Variants in BNIP3L observed in about 807,000 individuals in gnomAD.
BNIP3L encodes the protein BCL2/adenovirus E1B 19 kDa protein-interacting protein 3-like.
A neutral mutation model predicts 25.5 loss-of-function variants in BNIP3L; 10 were observed. That is an observed-to-expected ratio of 0.39 (90% CI 0.24 to 0.67). The LOEUF (loss-of-function observed/expected upper bound fraction) is 0.67, where lower values mean the gene tolerates loss of function less well. Ranked by LOEUF, BNIP3L falls within the 30% of genes least tolerant of loss-of-function variation. BNIP3L has a pLI of 0.45. For synonymous variants in BNIP3L, 113 were observed against 101.2 expected, an observed-to-expected ratio of 1.12 and a Z score of -0.70; for missense variants, 215 against 270.9, an observed-to-expected ratio of 0.79 and a Z score of 1.45.
chr8:26,404,472 CAAAG>C (rs1806455857), intron 3 of BNIP3L, among the ~76,000 whole-genome samples: 1 of 152,162 alleles, frequency 6.6e-6, no homozygotes, highest in African/African-American at 2.4e-5. Context: ...GATCAGAAAA[CAAAG>C]AACTCCATGT....
chr8:26,383,217 G>A lies in BNIP3L; in HGVS notation c.87G>A (p.Pro29=). Reference sequence around the variant, plus strand: ...AAAATGAGCAGTCTCTGCCCCCGCCGGCCGGCCTCAACAGTGAGTGCGGGG... The same window carrying A: ...AAAATGAGCAGTCTCTGCCCCCGCCAGCCGGCCTCAACAGTGAGTGCGGGG... The part of the protein sequence containing the change: ...CEENEQSLPP[P]AGLNSSWVEL... Residue 29 remains proline, a synonymous_variant, in exon 1 of 6, where the codon CCG becomes CCA. Coordinates refer to ENST00000380629, the MANE Select transcript of BNIP3L (RefSeq NM_004331.3). The A allele has an allele frequency of 2.5e-6, 4 of 1,610,540 alleles. No homozygotes were observed. Among genetic ancestry groups the A allele is most frequent in the South Asian group, 1.1e-5 (1 of 90,788 alleles).
chr8:26,395,476 C>T (rs1274660345), intron 3 of BNIP3L, 174 bp downstream of exon 3: 1 of 655,186 alleles, frequency 1.5e-6, no homozygotes, highest in African/African-American at 1.8e-5. Context: ...TCCTTTACAA[C>T]TAAGGATTTT....
rs138001749 is a variant in BNIP3L, at chr8:26,408,152, G to A, written c.461+49G>A. The A allele has an allele frequency of 4.9e-5, 79 of 1,610,978 alleles. No individual in the cohort carries two copies. The African/African-American group carries it at 7.3e-4, about 15-fold the overall frequency. ...CAGTGGACACAGTTGATCTGCGCACGCTTACAGGCAATGGGCCTGGTAATC... is the reference window on the plus strand; with the variant it reads ...CAGTGGACACAGTTGATCTGCGCACACTTACAGGCAATGGGCCTGGTAATC... On this transcript the variant is annotated intron_variant, in intron 4 of 5. Transcript: ENST00000380629.
chr8:26,383,435 T>C lies in BNIP3L; in HGVS notation c.100+205T>C, dbSNP rs1195178267. On this transcript the variant is annotated intron_variant, in intron 1 of 5. Transcript: ENST00000380629. ...GGCCTCTCTGTTGCCTCCTGGGGTC[T>C]TGGGCCCGGGGCCGTTTGGGCTCGC... is the stretch of plus-strand genomic sequence containing the variant. 181 of 1,392,956 alleles carry C rather than the reference T, an allele frequency of 1.3e-4. 1 individual carries two copies. The highest frequency in any genetic ancestry group is 2.7e-4 in the Middle Eastern group (1 of 3,732). The allele number at this position is 1,392,956 out of a possible 1,614,324, so 86.3% of individuals were successfully genotyped here. A position where few individuals can be genotyped will look rare whatever the true frequency, so the allele number is the denominator to read the frequency against.
At chr8:26,386,748 A>G (rs1806002010) in intron 1 of BNIP3L, among the ~76,000 whole-genome samples, 1 of 152,178 alleles carries the variant, frequency 6.6e-6, no homozygotes, top group Non-Finnish European at 1.5e-5. Flanking sequence ...TTCAAGCACA[A>G]TGTCCTTGCT....
chr8:26,407,861 T>A (rs1585441537), intron 3 of BNIP3L, 139 bp from the exon 4 acceptor site: 4 of 721,814 alleles, frequency 5.5e-6, no homozygotes, highest in Non-Finnish European at 9.1e-6. Flanking sequence ...CAGCATTTTT[T>A]AGAAAAGCAA....
intron 3 of BNIP3L, among the ~76,000 whole-genome samples, chr8:26,398,672 A>C (rs1327047910): frequency 1.8e-4 from 26 of 142,280 alleles, no homozygotes; most frequent in African/African-American, 6.9e-4. Flanking sequence ...TCAAAAAATC[A>C]ATGAATCCAG....
Position 26,391,435 on chromosome 8 carries a change from G to T in BNIP3L, c.284+9G>T. The T allele has an allele frequency of 6.6e-7, 1 of 1,525,392 alleles. No homozygotes were observed. The allele number at this position is 1,525,392 out of a possible 1,614,324, so 94.5% of individuals were successfully genotyped here. On this transcript the variant is annotated intron_variant, in intron 2 of 5. Transcript: ENST00000380629. Reference sequence around the variant, plus strand: ...AGTTCTCACTGTGACAGGTAAGTGAGACCCATGTTTTGGTGGAATTCAGGA... The same window carrying T: ...AGTTCTCACTGTGACAGGTAAGTGATACCCATGTTTTGGTGGAATTCAGGA...
chr8:26,410,793 A>G lies in BNIP3L; in HGVS notation c.*381A>G. The stretch of plus-strand genomic sequence containing the variant: ...TAAATTTTACTCTTGCAACATAACT[A>G]CCATCTCTCTCTTAAAACGAGATCA... On this transcript the variant is annotated 3_prime_UTR_variant, in exon 6 of 6. Transcript: ENST00000380629. The G allele has an allele frequency of 5.9e-6, 1 of 168,330 alleles. No individual in the cohort carries two copies. Among genetic ancestry groups the G allele is most frequent in the South Asian group, 1.6e-4 (1 of 6,450 alleles). 10.4% of individuals were successfully genotyped at this position (168,330 alleles called of 1,614,324 possible).
chr8:26,388,265 T>C (rs1033051974), intron 1 of BNIP3L, among the ~76,000 whole-genome samples: 3 of 152,228 alleles, frequency 2.0e-5, no homozygotes, highest in Non-Finnish European at 4.4e-5. Context: ...TAGCTAAAAC[T>C]TTCTTAGGGA....
chr8:26,411,365 T>G lies in BNIP3L; in HGVS notation c.*953T>G, dbSNP rs1806620363. On this transcript the variant is annotated 3_prime_UTR_variant, in exon 6 of 6. Transcript: ENST00000380629. ...CCAATTTGTGATGTTAATACAGGCT[T>G]CTTGTTTTAGGAAGCATCACCTATA... The G allele has an allele frequency of 6.6e-6, 1 of 152,384 alleles. No homozygotes were observed. Among genetic ancestry groups the G allele is most frequent in the South Asian group, 2.1e-4 (1 of 4,828 alleles). The allele number at this position is 152,384 out of a possible 1,614,324, so 9.4% of individuals were successfully genotyped here. A position where few individuals can be genotyped will look rare whatever the true frequency, so the allele number is the denominator to read the frequency against.
chr8:26,390,211 C>G (rs1053137298), intron 1 of BNIP3L, among the ~76,000 whole-genome samples: 7 of 152,148 alleles, frequency 4.6e-5, no homozygotes, highest in African/African-American at 1.7e-4. Context: ...GCCTCAGCCT[C>G]CCAAAGTGCT....
At chr8:26,405,781 G>A (rs1806486099) in intron 3 of BNIP3L, among the ~76,000 whole-genome samples, 2 of 152,196 alleles carry the variant, frequency 1.3e-5, no homozygotes, top group Admixed American at 6.5e-5. Context: ...GGTGGCTCAC[G>A]CCTGTAATCT....
Position 26,408,218 on chromosome 8 carries a change from C to G in BNIP3L, c.462-9C>G. 1 of 1,612,732 alleles carries G rather than the reference C, an allele frequency of 6.2e-7. No individual in the cohort carries two copies. The highest frequency in any genetic ancestry group is 8.5e-7 in the Non-Finnish European group (1 of 1,178,942). On this transcript the variant is annotated splice_polypyrimidine_tract_variant and intron_variant, in intron 4 of 5. Transcript: ENST00000380629. ...GCAAATGACATCTGCCTCTGAATTT[C>G]TTTCTCAGGGAGTTCCACTTCAGAC...
intron 3 of BNIP3L, among the ~76,000 whole-genome samples, chr8:26,396,393 A>G (rs1391288690): frequency 4.9e-5 from 4 of 81,188 alleles, no homozygotes; most frequent in African/African-American, 1.5e-4. Context: ...GGGTATTCCA[A>G]CAGACCTGCA....
chr8:26,389,288 A>C (rs1293864152), intron 1 of BNIP3L, among the ~76,000 whole-genome samples: 1 of 152,176 alleles, frequency 6.6e-6, no homozygotes, highest in Non-Finnish European at 1.5e-5. Context: ...TTTTATATAC[A>C]TATTCTCTCC....
At chr8:26,409,939 GTT>G (rs3840704) in intron 5 of BNIP3L, among the ~76,000 whole-genome samples, 1 of 150,856 alleles carries the variant, frequency 6.6e-6, no homozygotes, top group African/African-American at 2.4e-5. Flanking sequence ...AGCTTTTAAG[GTT>G]TTTTTTTTCT....
In BNIP3L at chr8:26,410,729, A is replaced by G; in HGVS notation, c.*317A>G. ...TTTTGTCAGCAATGCTATTATCTCTAATTAGTGCCACCAGACTAGACCTGT... is the reference window on the plus strand; with the variant it reads ...TTTTGTCAGCAATGCTATTATCTCTGATTAGTGCCACCAGACTAGACCTGT... On this transcript the variant is annotated 3_prime_UTR_variant, in exon 6 of 6. Coordinates refer to ENST00000380629, the MANE Select transcript of BNIP3L (RefSeq NM_004331.3). 1 of 352,712 alleles carries G rather than the reference A, an allele frequency of 2.8e-6. No individual in the cohort carries two copies. Among genetic ancestry groups the G allele is most frequent in the Non-Finnish European group, 5.4e-6 (1 of 184,172 alleles). The allele number at this position is 352,712 out of a possible 1,614,324, so 21.8% of individuals were successfully genotyped here.
rs1206857703 is a variant in BNIP3L at position 26,411,055 on chromosome 8, C to G, written c.*643C>G. 5 of 152,404 alleles carry G rather than the reference C, an allele frequency of 3.3e-5. No individual in the cohort carries two copies. The highest frequency in any genetic ancestry group is 9.7e-5 in the African/African-American group (4 of 41,386). The allele number at this position is 152,404 out of a possible 1,614,324, so 9.4% of individuals were successfully genotyped here. A position where few individuals can be genotyped will look rare whatever the true frequency, so the allele number is the denominator to read the frequency against. On this transcript the variant is annotated 3_prime_UTR_variant, in exon 6 of 6. Coordinates refer to ENST00000380629, the MANE Select transcript of BNIP3L (RefSeq NM_004331.3). ...CGTCTTTTAATTTATAGGAGGCAAA[C>G]TGTATAAATGATAGGTATGAAATAG...
Sources: gnomAD v4.1 joint callset for allele counts (sites outside exome capture counted in the v4.1 genomes callset) on GRCh38, gnomAD v4.1.1 for gene constraint, MANE v1.5 for transcripts, NCBI Gene and HGNC (gene_info 2026-07-23, HGNC 2026-07-21) for gene names.